Variants in ECPAS observed in about 807,000 individuals in gnomAD.
ECPAS encodes the protein Ecm29 proteasome adaptor and scaffold, also known as proteasome adapter and scaffold protein ECM29.
In ECPAS, 70 loss-of-function variants were observed where a neutral mutation model predicts 255.1. The observed-to-expected ratio is 0.27, with a 90% CI of 0.23 to 0.33. The LOEUF (loss-of-function observed/expected upper bound fraction) is 0.33, where lower values mean the gene tolerates loss of function less well. ECPAS is among the 10% of genes least tolerant of loss of function. The probability of loss-of-function intolerance (pLI) is 1.00; values close to 1 mark genes in which losing one functional copy is unlikely to be tolerated. For synonymous variants in ECPAS, 784 were observed against 775.0 expected (o/e 1.01, Z -0.19); for missense variants, 1,817 against 2,206.4 (o/e 0.82, Z 3.54).
chr9:111,397,865 T>C (rs1453877442), intron 24 of ECPAS, among the ~76,000 whole-genome samples: 1 of 152,242 alleles, frequency 6.6e-6, no homozygotes, highest in African/African-American at 2.4e-5. Flanking sequence ...TTCTTACAGC[T>C]TCACTGTAAG....
At chr9:111,372,018 G>C (rs575550432) in intron 42 of ECPAS, among the ~76,000 whole-genome samples, 189 bp from the exon 43 acceptor site, 1 of 152,238 alleles carries the variant, frequency 6.6e-6, no homozygotes, top group South Asian at 2.1e-4. Context: ...AGAACTTTAC[G>C]AACTTGGGTG....
At position 111,374,180 on chromosome 9, in the gene ECPAS, C is replaced by T. The variant is rs1168934443; in HGVS notation, c.4111-142G>A. On this transcript the variant is annotated intron_variant, in intron 38 of 49. Coordinates refer to ENST00000684092, the MANE Select transcript of ECPAS (RefSeq NM_001364929.1). ...CTCCAGGACTCAATATAGAAAAAGG[C>T]AAACTCTTAAACTAGTAATGCAGCG... 4 of 573,384 alleles carry T rather than the reference C, an allele frequency of 7.0e-6. No homozygotes were observed. The South Asian group carries it at 1.1e-4, about 16-fold the overall frequency. 35.5% of individuals were successfully genotyped at this position (573,384 alleles called of 1,614,324 possible). A position where few individuals can be genotyped will look rare whatever the true frequency, so the allele number is the denominator to read the frequency against.
intron 4 of ECPAS, among the ~76,000 whole-genome samples, chr9:111,443,206 G>A (rs767327291): frequency 1.2e-4 from 19 of 152,148 alleles, no homozygotes; most frequent in Non-Finnish European, 1.9e-4. Flanking sequence ...CCATAAATAC[G>A]TATCTGGATT....
chr9:111,415,543 A>G (rs2098202026), intron 18 of ECPAS, among the ~76,000 whole-genome samples: 2 of 152,054 alleles, frequency 1.3e-5, no homozygotes, highest in South Asian at 4.1e-4. Flanking sequence ...TACCAAAAAG[A>G]TAACAGAATT....
At position 111,410,143 on chromosome 9, in the gene ECPAS, T is replaced by C. The variant is rs1229322865; in HGVS notation, c.2448A>G (p.Arg816=). The C allele has an allele frequency of 6.2e-7, 1 of 1,612,316 alleles. No individual in the cohort carries two copies. The highest frequency in any genetic ancestry group is 8.5e-7 in the Non-Finnish European group (1 of 1,179,346). ...AACTALGEIG[R]NGPLPIPSEG... is the part of the protein sequence containing the mutation. ...CACTGGGGATTGGAAGTGGACCATT[T>C]CTGCCAATTTCACCCAGGGCTGTGC... The change falls in exon 23 of 50, where the codon AGA becomes AGG. Residue 816 remains arginine, a synonymous_variant. Transcript: ENST00000684092.
intron 35 of ECPAS, among the ~76,000 whole-genome samples, chr9:111,380,307 GT>G (rs369965141): frequency 4.6e-5 from 7 of 151,782 alleles, no homozygotes; most frequent in African/African-American, 9.7e-5. Flanking sequence ...AATCTTTGGG[GT>G]TTTTTTTGGT....
chr9:111,386,368 A>G lies in ECPAS; in HGVS notation c.3527+9T>C, dbSNP rs2098148520. On this transcript the variant is annotated intron_variant, in intron 32 of 49. Coordinates refer to ENST00000684092, the MANE Select transcript of ECPAS (RefSeq NM_001364929.1). ...TATTTGACTAAACTTATATTCCTAAAAACGGTACCTGGATTCTCGAACTCG... is the reference window on the plus strand; with the variant it reads ...TATTTGACTAAACTTATATTCCTAAGAACGGTACCTGGATTCTCGAACTCG... 1 of 1,552,650 alleles carries G rather than the reference A, an allele frequency of 6.4e-7. No homozygotes were observed. The highest frequency in any genetic ancestry group is 1.4e-5 in the African/African-American group (1 of 73,376).
chr9:111,390,779 T>C (rs1321267784), intron 29 of ECPAS, among the ~76,000 whole-genome samples: 8 of 152,130 alleles, frequency 5.3e-5, no homozygotes, highest in East Asian at 3.9e-4. Context: ...TAACGATCCG[T>C]AGAAATAAAG....
At chr9:111,483,213 G>A (rs918649058) in intron 1 of ECPAS, among the ~76,000 whole-genome samples, 1 of 151,966 alleles carries the variant, frequency 6.6e-6, no homozygotes, top group Non-Finnish European at 1.5e-5. Flanking sequence ...GTGGGCAGGG[G>A]GCTGGGCTCC....
At chr9:111,376,451 T>C in intron 37 of ECPAS, 25 bp downstream of exon 37, 1 of 1,549,586 alleles carries the variant, frequency 6.5e-7, no homozygotes, top group South Asian at 1.2e-5. Context: ...AAACAAACCC[T>C]CTCATTATTA....
In ECPAS at chr9:111,373,217, GTGC is replaced by G. The variant is rs774636298; in HGVS notation, c.4286_4288del (p.Ser1429del). 6.2e-7 allele frequency: 1 copy of G among 1,613,780 alleles called. No individual in the cohort carries two copies. The highest frequency in any genetic ancestry group is 8.5e-7 in the Non-Finnish European group (1 of 1,179,758). ...ATTGAGCTTCTGCAGGAGTTTTTCA[GTGC>G]TGCTATCCCGTGAGGTCTGAAAAAG... On this transcript the variant is annotated inframe_deletion, in exon 41 of 50. Transcript: ENST00000684092.
chr9:111,389,930 G>A (rs2098156789), intron 30 of ECPAS, 54 bp downstream of exon 30: 1 of 1,298,442 alleles, frequency 7.7e-7, no homozygotes, highest in South Asian at 1.3e-5. Context: ...TGCCAATGTA[G>A]CATGTTTGGT....
chr9:111,386,390 C>T lies in ECPAS; in HGVS notation c.3514G>A (p.Val1172Ile). The change falls in exon 32 of 50, where the codon GTT becomes ATT. Residue 1172 changes from valine to isoleucine, a missense_variant. Val to Ile is a conservative substitution (Grantham distance 29). This residue lies in a region of ECPAS where 960 missense variants were observed against 1,179.0 expected (regional missense o/e 0.81). Coordinates refer to ENST00000684092, the MANE Select transcript of ECPAS (RefSeq NM_001364929.1). ...VKNLTSNMWR[V>I]RESSCLALND... is the part of the protein sequence containing the mutation. ...TAAAAACGGTACCTGGATTCTCGAA[C>T]TCGCCACATATTGCTTGTAAGGTTC... The T allele has an allele frequency of 6.3e-7, 1 of 1,597,656 alleles. No individual in the cohort carries two copies. Among genetic ancestry groups the T allele is most frequent in the Non-Finnish European group, 8.6e-7 (1 of 1,167,128 alleles).
At chr9:111,461,825 T>C (rs997889195) in intron 2 of ECPAS, among the ~76,000 whole-genome samples, 2 of 152,346 alleles carry the variant, frequency 1.3e-5, no homozygotes, top group Admixed American at 6.5e-5. Flanking sequence ...CTTTCAATCA[T>C]GGCAGAAGGC....
chr9:111,451,595 C>T, intron 2 of ECPAS, 40 bp from the exon 3 acceptor site: 1 of 1,501,338 alleles, frequency 6.7e-7, no homozygotes. Context: ...CTTAGCAAGC[C>T]AAACACAACC....
chr9:111,412,242 TTGA>T, intron 20 of ECPAS, 94 bp from the exon 21 acceptor site: 1 of 1,030,322 alleles, frequency 9.7e-7, no homozygotes, highest in Non-Finnish European at 1.3e-6. Flanking sequence ...GTTCAATCTG[TTGA>T]TGGATATTGA....
intron 2 of ECPAS, among the ~76,000 whole-genome samples, chr9:111,457,433 A>G (rs1386574601): frequency 1.3e-5 from 2 of 152,212 alleles, no homozygotes; most frequent in Non-Finnish European, 2.9e-5. Flanking sequence ...AGAGATTAGG[A>G]TTCAGCACAA....
intron 46 of ECPAS, among the ~76,000 whole-genome samples, chr9:111,367,124 A>G (rs1390249060): frequency 6.6e-6 from 1 of 152,226 alleles, no homozygotes; most frequent in Admixed American, 6.5e-5. Flanking sequence ...TGTTATGCCA[A>G]CTGCAACTGT....
chr9:111,422,416 ATTC>A (rs2098215445), intron 13 of ECPAS, among the ~76,000 whole-genome samples: 2 of 152,202 alleles, frequency 1.3e-5, no homozygotes, highest in Admixed American at 1.3e-4. Flanking sequence ...CCTCTATAAT[ATTC>A]CATGCATTCA....
Sources: allele counts gnomAD v4.1 joint callset (sites outside exome capture counted in the v4.1 genomes callset), GRCh38; gene constraint gnomAD v4.1.1; regional missense constraint gnomAD v4.1.1; transcripts MANE v1.5; gene names NCBI Gene and HGNC (gene_info 2026-07-23, HGNC 2026-07-21).